The following PFKFB3 variants were observed in gnomAD, a reference collection of about 807,000 sequenced individuals.
The protein encoded by PFKFB3 is 6-phosphofructo-2-kinase/fructose-2,6-biphosphatase 3.
PFKFB3 carries 33 observed loss-of-function variants against 68.0 expected under a neutral mutation model. The observed-to-expected ratio is 0.49, with a 90% CI of 0.37 to 0.65. The LOEUF is 0.65. Ranked by LOEUF, PFKFB3 falls within the 30% of genes least tolerant of loss-of-function variation. The pLI is 0.00. For missense variants in PFKFB3, 586 were observed against 712.2 expected (o/e 0.82, Z 2.02); for synonymous variants, 315 against 288.2 (o/e 1.09, Z -0.94).
At chr10:6,209,214 G>A (rs142048639) in intron 1 of PFKFB3, among the ~76,000 whole-genome samples, 9 of 152,262 alleles carry the variant, frequency 5.9e-5, no homozygotes, top group East Asian at 1.9e-4. Context: ...CTTTGAGCTC[G>A]AGTCCCCCAG....
At chr10:6,201,236 T>C (rs1399008581), upstream of PFKFB3, among the ~76,000 whole-genome samples, 1 of 150,962 alleles carries the variant, frequency 6.6e-6, no homozygotes, top group Non-Finnish European at 1.5e-5. This position sits in a 1 kb window ranked among gnomAD's most constrained non-coding sequence, Gnocchi z 4.1. Flanking sequence ...CAGCCCACTC[T>C]TATTTCAGGA....
At chr10:6,294,169 C>G in the PFKFB3 span, 2 of 513,312 alleles carry the variant, frequency 3.9e-6, no homozygotes, top group African/African-American at 3.9e-5. Flanking sequence ...TGAGAGAGCT[C>G]TGGATATAGT....
intron 1 of PFKFB3, among the ~76,000 whole-genome samples, chr10:6,174,558 G>A (rs181406904): frequency 4.6e-5 from 7 of 152,162 alleles, no homozygotes; most frequent in Admixed American, 6.5e-5. Flanking sequence ...GCTGGGGCTC[G>A]CTTGTCAGGC....
chr10:6,303,798 TAAAAAAA>T, the PFKFB3 span, among the ~76,000 whole-genome samples: 1 of 120,762 alleles, frequency 8.3e-6, no homozygotes, highest in Admixed American at 8.7e-5. Context: ...AGAGTCCATC[TAAAAAAA>T]AAAAAAAAAA....
the PFKFB3 span, among the ~76,000 whole-genome samples, chr10:6,308,035 A>G: frequency 6.6e-6 from 1 of 152,156 alleles, no homozygotes; most frequent in South Asian, 2.1e-4. Context: ...AGATGCTGGC[A>G]CCTTCATATG....
rs1411150325 is a variant in PFKFB3, at chr10:6,213,650, C to A, written c.104C>A (p.Pro35His). The change falls in exon 2 of 15, where the codon CCC (proline) becomes CAC (histidine). Residue 35 changes from proline to histidine, a missense_variant. Physicochemically the swap from Pro to His is moderately conservative, Grantham distance 77. Coordinates refer to ENST00000379775, the MANE Select transcript of PFKFB3 (RefSeq NM_004566.4). ...RSCGPKLTNS[P>H]TVIVMVGLPA... ...TGTGGGCCAAAGCTGACCAACTCCC[C>A]CACCGTCATCGTCATGGTGGGCCTC... The A allele has an allele frequency of 6.2e-6, 10 of 1,613,128 alleles. No homozygotes were observed. In the South Asian group the frequency reaches 9.9e-5, roughly 16 times the overall value.
the PFKFB3 span, among the ~76,000 whole-genome samples, chr10:6,264,172 C>G: frequency 1.3e-5 from 2 of 152,196 alleles, no homozygotes; most frequent in Non-Finnish European, 2.9e-5. Flanking sequence ...TGTCATTAAT[C>G]TAGAGGGACT....
intron 1 of PFKFB3, among the ~76,000 whole-genome samples, chr10:6,158,186 G>T (rs918925431): frequency 1.3e-5 from 2 of 152,096 alleles, no homozygotes; most frequent in African/African-American, 4.8e-5. Flanking sequence ...CTACTTGGGA[G>T]GCTGAGGCAG....
At chr10:6,275,198 G>A in the PFKFB3 span, among the ~76,000 whole-genome samples, 757 of 152,278 alleles carry the variant, frequency 5.0e-3, 4 homozygotes, top group Middle Eastern at 0.014. The surrounding 1 kb of genome is among the most constrained non-coding windows in gnomAD (Gnocchi z 4.9). Flanking sequence ...TCACGGCCCC[G>A]CCCCTCTGTT....
the PFKFB3 span, among the ~76,000 whole-genome samples, chr10:6,262,472 A>AG: frequency 1.4e-5 from 2 of 147,952 alleles, no homozygotes; most frequent in Non-Finnish European, 3.0e-5. Context: ...AAAAAAAAAA[A>AG]AAAAAAAGCT....
intron 1 of PFKFB3, among the ~76,000 whole-genome samples, chr10:6,152,439 C>T (rs755261927): frequency 3.9e-5 from 6 of 152,016 alleles, no homozygotes; most frequent in Non-Finnish European, 8.8e-5. Flanking sequence ...GGGGAGGAAG[C>T]GTCTGGTAGG....
intron 14 of PFKFB3, among the ~76,000 whole-genome samples, chr10:6,241,568 A>T (rs1367591240): frequency 2.0e-5 from 3 of 152,194 alleles, no homozygotes; most frequent in Non-Finnish European, 2.9e-5. Flanking sequence ...CGCATGGCTC[A>T]TGCCTGTAAT....
the PFKFB3 span, chr10:6,277,658 G>A: frequency 3.4e-6 from 1 of 296,592 alleles, no homozygotes; most frequent in South Asian, 2.7e-5. Flanking sequence ...CATGTAAGAT[G>A]TGCCTGCTTC....
At chr10:6,195,639 C>T (rs1007624380) in intron 1 of PFKFB3, among the ~76,000 whole-genome samples, 12 of 152,176 alleles carry the variant, frequency 7.9e-5, no homozygotes, top group Admixed American at 4.6e-4. Flanking sequence ...TGCAGATAAA[C>T]GTGGTTCACT....
chr10:6,283,596 G>A, the PFKFB3 span, among the ~76,000 whole-genome samples: 1 of 41,700 alleles, frequency 2.4e-5, no homozygotes, highest in African/African-American at 6.7e-5. Context: ...GGGTGGGCAA[G>A]TGAGAAATAA....
chr10:6,164,802 T>C (rs1446153355), intron 1 of PFKFB3, among the ~76,000 whole-genome samples: 1 of 152,228 alleles, frequency 6.6e-6, no homozygotes, highest in African/African-American at 2.4e-5. Flanking sequence ...GCTAAGTTTA[T>C]GTTTCCCTTT....
intron 13 of PFKFB3, among the ~76,000 whole-genome samples, chr10:6,224,964 G>A (rs1306324213): frequency 2.7e-5 from 4 of 150,074 alleles, no homozygotes; most frequent in African/African-American, 9.9e-5. Context: ...GACGGGAGGC[G>A]TGGAGAGCAG....
intron 1 of PFKFB3, among the ~76,000 whole-genome samples, chr10:6,165,685 A>G (rs370703582): frequency 2.1e-4 from 32 of 152,186 alleles, no homozygotes; most frequent in African/African-American, 7.0e-4. Flanking sequence ...CGATGCGTCT[A>G]TTTTTTTGTA....
chr10:6,297,950 T>C, the PFKFB3 span, among the ~76,000 whole-genome samples: 1 of 152,176 alleles, frequency 6.6e-6, no homozygotes, highest in Admixed American at 6.5e-5. Context: ...CTGTCAAGAA[T>C]GTGGATGAAC....
Sources: gnomAD v4.1 joint callset for allele counts (sites outside exome capture counted in the v4.1 genomes callset) on GRCh38, gnomAD v4.1.1 for gene constraint, Gnocchi (gnomAD v3.1) non-coding constraint, MANE v1.5 for transcripts, NCBI Gene and HGNC (gene_info 2026-07-23, HGNC 2026-07-21) for gene names.